The following SLCO6A1 variants were observed in gnomAD, a reference collection of about 807,000 sequenced individuals.
The protein encoded by SLCO6A1 is solute carrier organic anion transporter family member 6A1.
In SLCO6A1, 65 loss-of-function variants were observed where a neutral mutation model predicts 72.7. That is an observed-to-expected ratio of 0.89 (90% confidence interval 0.73 to 1.10). The LOEUF (loss-of-function observed/expected upper bound fraction) is 1.10, where lower values mean the gene tolerates loss of function less well. Among genes scored for constraint, SLCO6A1 ranks in the 50% least tolerant of loss-of-function variants. The probability of loss-of-function intolerance (pLI) is 0.00; values close to 1 mark genes in which losing one functional copy is unlikely to be tolerated. For missense variants in SLCO6A1, 874 were observed against 872.6 expected, an observed-to-expected ratio of 1.00 and a Z score of -0.02; for synonymous variants, 314 against 298.2, an observed-to-expected ratio of 1.05 and a Z score of -0.55.
At chr5:102,458,211 C>T (rs764826931) in intron 6 of SLCO6A1, among the ~76,000 whole-genome samples, 171 bp downstream of exon 6, 10 of 151,632 alleles carry the variant, frequency 6.6e-5, no homozygotes, top group Non-Finnish European at 1.0e-4. Flanking sequence ...TGTAACTAAC[C>T]GGCACGTTGT....
At chr5:102,388,461 C>T (rs954283672) in intron 12 of SLCO6A1, among the ~76,000 whole-genome samples, 1 of 152,110 alleles carries the variant, frequency 6.6e-6, no homozygotes, top group Non-Finnish European at 1.5e-5. Context: ...CCTCAGCCTT[C>T]TGAATAGCTG....
chr5:102,448,416 C>T (rs1254844758), intron 6 of SLCO6A1, among the ~76,000 whole-genome samples: 1 of 152,046 alleles, frequency 6.6e-6, no homozygotes, highest in Non-Finnish European at 1.5e-5. Context: ...GTTTAGGTCC[C>T]AAATATCTGT....
At chr5:102,486,207 A>G (rs1752436984) in intron 1 of SLCO6A1, among the ~76,000 whole-genome samples, 1 of 152,190 alleles carries the variant, frequency 6.6e-6, no homozygotes, top group Non-Finnish European at 1.5e-5. Flanking sequence ...AACTATCCAA[A>G]GATTCTTTCC....
chr5:102,374,598 G>T (rs1278454722), intron 12 of SLCO6A1, among the ~76,000 whole-genome samples: 2 of 152,054 alleles, frequency 1.3e-5, no homozygotes, highest in Non-Finnish European at 2.9e-5. Flanking sequence ...TGACATAATG[G>T]TTTCAAGATA....
chr5:102,485,315 C>T (rs1469023508), intron 1 of SLCO6A1, among the ~76,000 whole-genome samples: 1 of 151,460 alleles, frequency 6.6e-6, no homozygotes, highest in Non-Finnish European at 1.5e-5. Flanking sequence ...AAAGGCCTGA[C>T]TTCAGGACTG....
chr5:102,455,958 A>G (rs1750689301), intron 6 of SLCO6A1, among the ~76,000 whole-genome samples: 1 of 152,214 alleles, frequency 6.6e-6, no homozygotes, highest in African/African-American at 2.4e-5. Context: ...AACATATGCA[A>G]ATCAATAAAC....
chr5:102,494,820 C>T (rs1019751541), intron 1 of SLCO6A1, among the ~76,000 whole-genome samples: 1 of 152,160 alleles, frequency 6.6e-6, no homozygotes, highest in Admixed American at 6.5e-5. Context: ...ATGGTACAGC[C>T]ACTTTGTAAT....
chr5:102,374,649 C>A (rs1004623396), intron 12 of SLCO6A1, among the ~76,000 whole-genome samples: 1 of 152,034 alleles, frequency 6.6e-6, no homozygotes, highest in Non-Finnish European at 1.5e-5. Context: ...TATAATGATA[C>A]AATAACATTT....
At chr5:102,425,968 A>G (rs1748869624) in intron 7 of SLCO6A1, among the ~76,000 whole-genome samples, 2 of 152,302 alleles carry the variant, frequency 1.3e-5, no homozygotes, top group Non-Finnish European at 2.9e-5. Flanking sequence ...AATGCTGTGT[A>G]TCTACAACTA....
At chr5:102,467,097 A>C (rs573067588) in intron 4 of SLCO6A1, among the ~76,000 whole-genome samples, 1 of 152,184 alleles carries the variant, frequency 6.6e-6, no homozygotes, top group Admixed American at 6.6e-5. Flanking sequence ...GCCCATGCCT[A>C]TTCCTGAATG....
At chr5:102,373,910 G>GT (rs1449912198) in intron 12 of SLCO6A1, among the ~76,000 whole-genome samples, 1 of 151,952 alleles carries the variant, frequency 6.6e-6, no homozygotes, top group East Asian at 1.9e-4. Context: ...AATTTTGCAG[G>GT]TTTTTTCATT....
intron 4 of SLCO6A1, among the ~76,000 whole-genome samples, chr5:102,464,935 A>G (rs1022680261): frequency 2.0e-5 from 3 of 152,128 alleles, no homozygotes; most frequent in African/African-American, 7.2e-5. Flanking sequence ...ATAGTAGCAA[A>G]CTGATGATAT....
chr5:102,429,292 A>G (rs1749082038), intron 7 of SLCO6A1, among the ~76,000 whole-genome samples: 2 of 152,160 alleles, frequency 1.3e-5, no homozygotes, highest in African/African-American at 4.8e-5. Context: ...TGCTGTGCAG[A>G]AGCTCTTAAG....
At chr5:102,466,536 C>A (rs1751321876) in intron 4 of SLCO6A1, among the ~76,000 whole-genome samples, 1 of 151,912 alleles carries the variant, frequency 6.6e-6, no homozygotes, top group Non-Finnish European at 1.5e-5. Context: ...TTGGTATATA[C>A]CCAGTAATAG....
At chr5:102,461,542 T>C (rs572063148) in intron 4 of SLCO6A1, among the ~76,000 whole-genome samples, 1 of 152,232 alleles carries the variant, frequency 6.6e-6, no homozygotes, top group Admixed American at 6.5e-5. Flanking sequence ...GTAACTAAAA[T>C]ATTGTAATAT....
rs201578882 is a variant in SLCO6A1, at chr5:102,458,483, G to A, written c.1030C>T (p.Arg344Trp). ...TGTTTACGTTTCCTAGCTTTTATCCGTGTTGAACCTATATATAAACAAGTA... is the reference window on the plus strand; with the variant it reads ...TGTTTACGTTTCCTAGCTTTTATCCATGTTGAACCTATATATAAACAAGTA... ...CFPNNMPGST[R>W]IKARKRKQLH... Residue 344 changes from arginine (R) to tryptophan (W), a missense_variant, in exon 6 of 14, where the codon CGG becomes TGG. Arg to Trp is a moderately radical substitution (Grantham distance 101). Coordinates refer to ENST00000506729, the MANE Select transcript of SLCO6A1 (RefSeq NM_173488.5). 229 of 1,609,280 alleles carry A rather than the reference G, an allele frequency of 1.4e-4. 3 individuals are homozygous for A. Among genetic ancestry groups the A allele is most frequent in the South Asian group, 1.3e-3 (121 of 90,486 alleles).
At chr5:102,430,607 C>T (rs189269997) in intron 7 of SLCO6A1, among the ~76,000 whole-genome samples, 8 of 152,042 alleles carry the variant, frequency 5.3e-5, no homozygotes, top group East Asian at 3.9e-4. Context: ...TGTTTATTGA[C>T]GTGTGTATGT....
At chr5:102,395,955 G>GAGT (rs1392341221) in intron 10 of SLCO6A1, among the ~76,000 whole-genome samples, 1 of 152,094 alleles carries the variant, frequency 6.6e-6, no homozygotes, top group East Asian at 1.9e-4. Context: ...TTTGTCAGAT[G>GAGT]AGTAGATTGC....
rs558527946 is a variant in SLCO6A1, at chr5:102,464,447, C to A, written c.900-4670G>T. ...TAAGACAGGAAATAAGAAGCAAATT[C>A]AAAAAAATACAGAAGGTTAATATAC... On this transcript the variant is annotated intron_variant, in intron 4 of 13. Coordinates refer to ENST00000506729, the MANE Select transcript of SLCO6A1 (RefSeq NM_173488.5). Among the ~76,000 whole-genome samples, 834 of 151,722 alleles carry A rather than the reference C, an allele frequency of 5.5e-3. 12 individuals carry two copies. Among genetic ancestry groups the A allele is most frequent in the African/African-American group, 0.019 (799 of 41,374 alleles).
Sources: allele counts gnomAD v4.1 joint callset (sites outside exome capture counted in the v4.1 genomes callset), GRCh38; gene constraint gnomAD v4.1.1; transcripts MANE v1.5; gene names NCBI Gene and HGNC (gene_info 2026-07-23, HGNC 2026-07-21).